The following DNAH9 variants were observed in gnomAD, a reference collection of about 807,000 sequenced individuals.
The protein encoded by DNAH9 is dynein axonemal heavy chain 9.
A neutral mutation model predicts 471.6 loss-of-function variants in DNAH9; 345 were observed. The ratio of observed to expected loss-of-function variants is 0.73; its 90% CI spans 0.67 to 0.80. The LOEUF (loss-of-function observed/expected upper bound fraction) is 0.80, where lower values mean the gene tolerates loss of function less well. DNAH9 is among the 30% of genes least tolerant of loss of function. The probability of loss-of-function intolerance (pLI) is 0.00; values close to 1 mark genes in which losing one functional copy is unlikely to be tolerated. For missense variants in DNAH9, 5,407 were observed against 5,609.2 expected (o/e 0.96, Z 1.15); for synonymous variants, 2,093 against 2,123.6 (o/e 0.99, Z 0.40).
intron 37 of DNAH9, 85 bp from the exon 38 acceptor site, chr17:11,769,037 G>A: frequency 7.0e-7 from 1 of 1,420,578 alleles, no homozygotes; most frequent in Non-Finnish European, 9.9e-7. Flanking sequence ...GGAATCCCCT[G>A]TTCTGAAATG....
chr17:11,950,533 C>G (rs541389736), intron 67 of DNAH9, among the ~76,000 whole-genome samples: 2 of 152,118 alleles, frequency 1.3e-5, no homozygotes, highest in South Asian at 4.1e-4. Context: ...ACCCGACTAA[C>G]TTTTTATTTT....
chr17:11,961,949 G>A lies in DNAH9; in HGVS notation c.12926G>A (p.Arg4309Gln), dbSNP rs147022425. The change falls in exon 68 of 69, where the codon CGA (arginine) becomes CAA (glutamine). Residue 4309 changes from arginine to glutamine, a missense_variant. Around this residue, in one of 3 missense-constraint regions of DNAH9, gnomAD observed 4,636 missense variants for 4,900.3 expected, o/e 0.95. Coordinates refer to ENST00000262442, the MANE Select transcript of DNAH9 (RefSeq NM_001372.4). ...ATGGTGCCAGAGTCCTGGGCTAGAC[G>A]AGCCTACCCTTCCACAGCAGGCCTG... ...FDMVPESWARRAYPSTAGLAA... is the reference protein window; with the variant it reads ...FDMVPESWARQAYPSTAGLAA... 3.9e-5 allele frequency: 63 copies of A among 1,614,034 alleles called. No individual in the cohort carries two copies. The highest frequency in any genetic ancestry group is 3.1e-4 in the African/African-American group (23 of 74,908).
At chr17:11,698,207 T>G (rs1226778832) in intron 22 of DNAH9, among the ~76,000 whole-genome samples, 2 of 129,414 alleles carry the variant, frequency 1.5e-5, no homozygotes, top group East Asian at 2.1e-4. Context: ...AATATATTAA[T>G]AATATAATTA....
At chr17:11,805,795 C>T (rs1969655849) in intron 43 of DNAH9, among the ~76,000 whole-genome samples, 1 of 152,006 alleles carries the variant, frequency 6.6e-6, no homozygotes, top group Admixed American at 6.6e-5. Context: ...TCAGGTGATC[C>T]CCCCACCTTG....
intron 6 of DNAH9, among the ~76,000 whole-genome samples, chr17:11,629,135 A>G (rs145900810): frequency 0.19 from 28,296 of 149,538 alleles, 3,491 homozygotes; most frequent in Non-Finnish European, 0.26. Flanking sequence ...TTTAGGGTAC[A>G]TGTGCACAAC....
At chr17:11,864,819 G>A (rs11651144) in intron 50 of DNAH9, among the ~76,000 whole-genome samples, 1 of 150,504 alleles carries the variant, frequency 6.6e-6, no homozygotes, top group Admixed American at 6.6e-5. Flanking sequence ...TTTAAAGTCT[G>A]TTTTATCAGA....
At position 11,631,300 on chromosome 17, in the gene DNAH9, G is replaced by A. The variant is rs146600091; in HGVS notation, c.1519-1287G>A. ...GAGAAGGAATTTTAAGAGTGTGTGC[G>A]GGAAAAGGAGAAAGAAATTAGGGCA... On this transcript the variant is annotated intron_variant, in intron 7 of 68. Coordinates refer to ENST00000262442, the MANE Select transcript of DNAH9 (RefSeq NM_001372.4). Among the ~76,000 whole-genome samples the A allele has an allele frequency of 6.3e-3, 962 of 152,188 alleles. 7 individuals are homozygous for A. The highest frequency in any genetic ancestry group is 0.011 in the Admixed American group (168 of 15,294).
chr17:11,614,210 C>CT (rs35999149), intron 4 of DNAH9, among the ~76,000 whole-genome samples: 7,154 of 151,448 alleles, frequency 0.047, 213 homozygotes, highest in African/African-American at 0.072. Context: ...TTCAGAGCAT[C>CT]TTTTTTTTTA....
chr17:11,675,078 A>G (rs112312405), intron 17 of DNAH9, among the ~76,000 whole-genome samples: 3,689 of 152,262 alleles, frequency 0.024, 152 homozygotes, highest in African/African-American at 0.083. Context: ...ATGATATTGA[A>G]TATTCTTGTC....
intron 24 of DNAH9, 106 bp from the exon 25 acceptor site, chr17:11,704,097 C>G (rs968919728): frequency 7.8e-7 from 1 of 1,278,564 alleles, no homozygotes; most frequent in African/African-American, 1.5e-5. Context: ...AGGGATGGGG[C>G]TCATGTCACC....
At chr17:11,907,396 G>A (rs1973642949) in intron 61 of DNAH9, among the ~76,000 whole-genome samples, 1 of 151,862 alleles carries the variant, frequency 6.6e-6, no homozygotes, top group Non-Finnish European at 1.5e-5. Context: ...CTTGAACCCA[G>A]GAGTCAGAGG....
chr17:11,800,777 A>T lies in DNAH9; in HGVS notation c.8420+2984A>T, dbSNP rs552574262. On this transcript the variant is annotated intron_variant, in intron 43 of 68. Transcript: ENST00000262442. The stretch of plus-strand genomic sequence containing the variant: ...TGATTAACCTCTGTCTGTTTGCATC[A>T]TCCACTCATCCAACATATATTTATT... Among the ~76,000 whole-genome samples, 9 of 152,132 alleles carry T rather than the reference A, an allele frequency of 5.9e-5. No homozygotes were observed. The South Asian group carries it at 1.9e-3, about 32-fold the overall frequency.
chr17:11,762,767 T>TTTTTG (rs1460528522), intron 35 of DNAH9, among the ~76,000 whole-genome samples: 10 of 77,558 alleles, frequency 1.3e-4, no homozygotes, highest in Non-Finnish European at 1.5e-4. Context: ...CGTTTTTTTT[T>TTTTTG]TTGTTTTTTT....
At position 11,652,550 on chromosome 17, in the gene DNAH9, G is replaced by C. The variant is rs376924679; in HGVS notation, c.2354-211G>C. ...TCCGCCCACCTCGGCCTCCCAAAGTGCTGGGATTACAGGCGTGACCCACCG... is the reference window on the plus strand; with the variant it reads ...TCCGCCCACCTCGGCCTCCCAAAGTCCTGGGATTACAGGCGTGACCCACCG... On this transcript the variant is annotated intron_variant, in intron 13 of 68. Coordinates refer to ENST00000262442, the MANE Select transcript of DNAH9 (RefSeq NM_001372.4). Among the ~76,000 whole-genome samples the C allele has an allele frequency of 8.5e-5, 13 of 152,138 alleles. No homozygotes were observed. The South Asian group carries it at 2.1e-3, about 24-fold the overall frequency.
Position 11,689,595 on chromosome 17 carries a change from T to G in DNAH9, c.3773T>G (p.Leu1258Arg). ...RFDSIHPHQMLDARHIEIQQM... is the reference protein window; with the variant it reads ...RFDSIHPHQMRDARHIEIQQM... Reference sequence around the variant, plus strand: ...GATAGCATCCACCCTCATCAAATGCTGGATGCCAGGCACATCGAGATCCAG... The same window carrying G: ...GATAGCATCCACCCTCATCAAATGCGGGATGCCAGGCACATCGAGATCCAG... The change falls in exon 20 of 69, where the codon CTG becomes CGG. Residue 1258 changes from leucine (L) to arginine (R), a missense_variant. By Grantham distance (102) the Leu-to-Arg change is moderately radical. Around this residue, in one of 3 missense-constraint regions of DNAH9, gnomAD observed 4,636 missense variants for 4,900.3 expected, o/e 0.95. Transcript: ENST00000262442. The G allele has an allele frequency of 6.2e-7, 1 of 1,613,930 alleles. No individual in the cohort carries two copies. Among genetic ancestry groups the G allele is most frequent in the Non-Finnish European group, 8.5e-7 (1 of 1,179,916 alleles).
intron 57 of DNAH9, 125 bp from the exon 58 acceptor site, chr17:11,891,652 A>T: frequency 8.8e-7 from 1 of 1,142,248 alleles, no homozygotes; most frequent in Non-Finnish European, 1.2e-6. Flanking sequence ...GGCATGAGCC[A>T]CCGTGCCTGG....
intron 1 of DNAH9, among the ~76,000 whole-genome samples, chr17:11,605,544 G>A (rs964608550): frequency 6.6e-6 from 1 of 152,096 alleles, no homozygotes; most frequent in Non-Finnish European, 1.5e-5. Flanking sequence ...TGTTGCCCAG[G>A]CTGGAGTACA....
chr17:11,616,516 G>A (rs2072747632), intron 4 of DNAH9, among the ~76,000 whole-genome samples: 1 of 152,134 alleles, frequency 6.6e-6, no homozygotes, highest in Non-Finnish European at 1.5e-5. Context: ...AGCATCCAGT[G>A]CTGCTGGATT....
chr17:11,816,215 G>A (rs921877240), intron 45 of DNAH9, among the ~76,000 whole-genome samples: 1 of 152,148 alleles, frequency 6.6e-6, no homozygotes, highest in Non-Finnish European at 1.5e-5. Context: ...TGTGTTTGCT[G>A]TTGATTAATT....
Sources: gnomAD v4.1 joint callset for allele counts (sites outside exome capture counted in the v4.1 genomes callset) on GRCh38, gnomAD v4.1.1 for gene constraint, gnomAD v4.1.1 regional missense constraint, MANE v1.5 for transcripts, NCBI Gene and HGNC (gene_info 2026-07-23, HGNC 2026-07-21) for gene names.